Variants in CHST11 observed in about 807,000 individuals in gnomAD.
CHST11 encodes carbohydrate sulfotransferase 11.
In CHST11, 9 loss-of-function variants were observed where a neutral mutation model predicts 30.4. The ratio of observed to expected loss-of-function variants is 0.30; its 90% CI spans 0.18 to 0.52. The LOEUF is 0.52. Ranked by LOEUF, CHST11 falls within the 20% of genes least tolerant of loss-of-function variation. The pLI, the probability that CHST11 is intolerant of heterozygous loss-of-function variation, is 0.97. For missense variants in CHST11, 348 were observed against 460.6 expected, an observed-to-expected ratio of 0.76 and a Z score of 2.24; for synonymous variants, 152 against 187.8, an observed-to-expected ratio of 0.81 and a Z score of 1.56.
chr12:104,517,466 C>T (rs914477309), intron 1 of CHST11, among the ~76,000 whole-genome samples: 2 of 152,130 alleles, frequency 1.3e-5, no homozygotes, highest in African/African-American at 2.4e-5. Context: ...TGTTTGCAAT[C>T]ATCACTTGTA....
chr12:104,532,441 A>G (rs1795853), intron 1 of CHST11, among the ~76,000 whole-genome samples: 90,666 of 151,798 alleles, frequency 0.6, 27,687 homozygotes, highest in East Asian at 0.97. Context: ...TTTTTAAAAT[A>G]TTTATGAGTT....
chr12:104,595,287 G>GT (rs2038897887), intron 1 of CHST11, among the ~76,000 whole-genome samples: 1 of 152,124 alleles, frequency 6.6e-6, no homozygotes, highest in African/African-American at 2.4e-5. Context: ...ACCACCAGGG[G>GT]TTTTAAAACC....
chr12:104,719,728 C>G (rs1029751420), intron 2 of CHST11, among the ~76,000 whole-genome samples: 1 of 152,202 alleles, frequency 6.6e-6, no homozygotes, highest in Non-Finnish European at 1.5e-5. Context: ...GGAGTTGGGG[C>G]ATGGCCAGCC....
intron 1 of CHST11, among the ~76,000 whole-genome samples, chr12:104,499,761 T>C (rs2037834851): frequency 1.3e-5 from 2 of 152,152 alleles, no homozygotes; most frequent in South Asian, 4.2e-4. Context: ...TGGGGCTGCC[T>C]CCGGTCCTCA....
intron 1 of CHST11, among the ~76,000 whole-genome samples, chr12:104,512,688 A>T (rs1243837470): frequency 6.6e-6 from 1 of 152,238 alleles, no homozygotes; most frequent in Non-Finnish European, 1.5e-5. Context: ...AAGAAGGAGC[A>T]TGATGAAAAG....
At chr12:104,622,041 G>T (rs1171859284) in intron 2 of CHST11, among the ~76,000 whole-genome samples, 2 of 152,168 alleles carry the variant, frequency 1.3e-5, no homozygotes, top group African/African-American at 4.8e-5. Flanking sequence ...GCAAATCTAG[G>T]TATAAGCCGG....
intron 2 of CHST11, among the ~76,000 whole-genome samples, chr12:104,696,529 A>T (rs1035398239): frequency 7.5e-5 from 11 of 147,412 alleles, no homozygotes; most frequent in Non-Finnish European, 7.4e-5. Flanking sequence ...GTGGTGGTGC[A>T]CACCTGTACA....
intron 2 of CHST11, among the ~76,000 whole-genome samples, chr12:104,671,764 GTC>G (rs1011404081): frequency 6.6e-6 from 1 of 151,344 alleles, no homozygotes; most frequent in Non-Finnish European, 1.5e-5. Context: ...CTCTCTCTCT[GTC>G]TCTCTCTCCT....
At position 104,600,356 on chromosome 12, in the gene CHST11, T is replaced by C. The variant is rs1048985537; in HGVS notation, c.119-1550T>C. Among the ~76,000 whole-genome samples the C allele has an allele frequency of 3.9e-5, 6 of 152,200 alleles. No individual in the cohort carries two copies. The highest frequency in any genetic ancestry group is 1.4e-4 in the African/African-American group (6 of 41,464). On this transcript the variant is annotated intron_variant, in intron 1 of 2. Coordinates refer to ENST00000303694, the MANE Select transcript of CHST11 (RefSeq NM_018413.6). This position sits in a 1 kb window ranked among gnomAD's most constrained non-coding sequence, Gnocchi z 4.1. ...CCCAGTCATTTGAGCTGCACCCTGC[T>C]TGAGGTCTGGTCACTCCTCATCAGT...
chr12:104,723,191 C>G (rs1371379387), intron 2 of CHST11, among the ~76,000 whole-genome samples: 1 of 152,126 alleles, frequency 6.6e-6, no homozygotes, highest in Non-Finnish European at 1.5e-5. Context: ...GGCAGCTGGG[C>G]CCCTCAAGGA....
chr12:104,756,696 C>T (rs966096477), intron 2 of CHST11, among the ~76,000 whole-genome samples: 21 of 151,974 alleles, frequency 1.4e-4, no homozygotes, highest in Admixed American at 3.3e-4. Context: ...GTCAGGTGTG[C>T]GCCACCATGC....
intron 1 of CHST11, among the ~76,000 whole-genome samples, chr12:104,592,214 G>A (rs1484709913): frequency 2.0e-5 from 3 of 151,510 alleles, no homozygotes; most frequent in African/African-American, 7.3e-5. Flanking sequence ...TGGGTGGGCA[G>A]CATACCCCAC....
intron 1 of CHST11, among the ~76,000 whole-genome samples, chr12:104,500,471 T>A (rs906359221): frequency 6.6e-6 from 1 of 152,206 alleles, no homozygotes; most frequent in Non-Finnish European, 1.5e-5. Flanking sequence ...AGAAGGCAAA[T>A]GAACTTCTGA....
chr12:104,626,259 T>G (rs1032468924), intron 2 of CHST11, among the ~76,000 whole-genome samples: 5 of 152,226 alleles, frequency 3.3e-5, no homozygotes, highest in Non-Finnish European at 7.3e-5. Flanking sequence ...TCTCCCAAGT[T>G]AGTTTGAGCT....
intron 2 of CHST11, among the ~76,000 whole-genome samples, chr12:104,633,162 A>T (rs1165051010): frequency 2.0e-5 from 3 of 152,156 alleles, no homozygotes; most frequent in Non-Finnish European, 4.4e-5. Context: ...CTCTCTTCTA[A>T]TGCTGGAAAT....
At position 104,502,707 on chromosome 12, in the gene CHST11, G is replaced by T. The variant is rs148796680; in HGVS notation, c.118+45178G>T. On this transcript the variant is annotated intron_variant, in intron 1 of 2. Transcript: ENST00000303694. ...CTGTCAAGTGCAAACTGAGTTAAGA[G>T]AGACACCAGCGTGGGGCATCATCAG... is the stretch of plus-strand genomic sequence containing the variant. 3.9e-3 allele frequency among the ~76,000 whole-genome samples: 599 copies of T among 152,316 alleles called. 1 individual carries two copies. Among genetic ancestry groups the T allele is most frequent in the Non-Finnish European group, 6.3e-3 (427 of 68,026 alleles).
intron 1 of CHST11, among the ~76,000 whole-genome samples, chr12:104,601,400 G>A (rs2038955934): frequency 6.6e-6 from 1 of 152,166 alleles, no homozygotes; most frequent in Non-Finnish European, 1.5e-5. Flanking sequence ...TAATTTAGGA[G>A]AGGTTTTGGG....
chr12:104,475,602 G>C (rs1025547254), intron 1 of CHST11, among the ~76,000 whole-genome samples: 3 of 135,092 alleles, frequency 2.2e-5, no homozygotes, highest in African/African-American at 7.9e-5. Flanking sequence ...GGCCCCACTG[G>C]CTCCTTCACC....
At chr12:104,665,142 T>C (rs1032693081) in intron 2 of CHST11, among the ~76,000 whole-genome samples, 2 of 152,214 alleles carry the variant, frequency 1.3e-5, no homozygotes, top group Non-Finnish European at 2.9e-5. Context: ...AGCAGATGTA[T>C]GAGAATAACC....
Sources: gnomAD v4.1 joint callset for allele counts (sites outside exome capture counted in the v4.1 genomes callset) on GRCh38, gnomAD v4.1.1 for gene constraint, Gnocchi (gnomAD v3.1) non-coding constraint, MANE v1.5 for transcripts, NCBI Gene and HGNC (gene_info 2026-07-23, HGNC 2026-07-21) for gene names.